The following PUF60 variants were observed in gnomAD, a reference collection of about 807,000 sequenced individuals.
PUF60 encodes poly(U) binding splicing factor 60, also known as poly(U)-binding-splicing factor PUF60.
In PUF60, 10 loss-of-function variants were observed where a neutral mutation model predicts 61.8. The ratio of observed to expected loss-of-function variants is 0.16; its 90% CI spans 0.10 to 0.27. PUF60 has a LOEUF of 0.27. Among genes scored for constraint, PUF60 ranks in the 10% least tolerant of loss-of-function variants. The pLI, the probability that PUF60 is intolerant of heterozygous loss-of-function variation, is 1.00. For synonymous variants in PUF60, 353 were observed against 300.9 expected (o/e 1.17, Z -1.79); for missense variants, 371 against 754.0 (o/e 0.49, Z 5.95).
chr8:143,826,531 A>G (rs571479966), intron 1 of PUF60, among the ~76,000 whole-genome samples: 19 of 152,332 alleles, frequency 1.2e-4, no homozygotes, highest in African/African-American at 4.3e-4. Flanking sequence ...CCTGGCCAAC[A>G]TGGTGAAACC....
chr8:143,821,492 A>G (rs1275334425), intron 4 of PUF60, 105 bp downstream of exon 4: 4 of 1,069,986 alleles, frequency 3.7e-6, no homozygotes, highest in African/African-American at 1.6e-5. Flanking sequence ...GGAGCACTGT[A>G]ACAGCTTGCG....
At chr8:143,824,521 A>G in intron 1 of PUF60, 122 bp from the exon 2 acceptor site, 1 of 988,400 alleles carries the variant, frequency 1.0e-6, no homozygotes. Flanking sequence ...GCAGGGAGGC[A>G]TTCCCGACAT....
At chr8:143,823,839 G>C (rs1371919442) in intron 2 of PUF60, among the ~76,000 whole-genome samples, 2 of 152,252 alleles carry the variant, frequency 1.3e-5, no homozygotes, top group African/African-American at 4.8e-5. Flanking sequence ...GATGGGGAGG[G>C]CTGAGTCCCA....
intron 2 of PUF60, among the ~76,000 whole-genome samples, chr8:143,823,876 T>C (rs1194860877): frequency 6.6e-6 from 1 of 152,270 alleles, no homozygotes; most frequent in Non-Finnish European, 1.5e-5. Flanking sequence ...GACTTGCGCA[T>C]TGCTTCACTG....
chr8:143,818,487 G>A lies in PUF60; in HGVS notation c.396C>T (p.Tyr132=), dbSNP rs780699513. Residue 132 remains tyrosine (Y), a synonymous_variant, in exon 6 of 12, where the codon TAC becomes TAT. Coordinates refer to ENST00000526683, the MANE Select transcript of PUF60 (RefSeq NM_078480.3). The surrounding 1 kb of genome is among the most constrained non-coding windows in gnomAD (Gnocchi z 7.9). ...CCAGCTCATAGTAGATAGAGCCCAC[G>A]TAGACGCGGCACATGATGGCCAGCG... The part of the protein sequence containing the change: ...QRALAIMCRV[Y]VGSIYYELGE... The A allele has an allele frequency of 1.2e-5, 20 of 1,608,512 alleles. No individual in the cohort carries two copies. Among genetic ancestry groups the A allele is most frequent in the South Asian group, 5.5e-5 (5 of 90,312 alleles).
rs757026424 is a variant in PUF60, at chr8:143,824,298, G to C, written c.111+15C>G. On this transcript the variant is annotated intron_variant, in intron 2 of 11. Coordinates refer to ENST00000526683, the MANE Select transcript of PUF60 (RefSeq NM_078480.3). ...GGCGGGCGGGCCTGAGGGAGAGGAT[G>C]CTTAAGGTCAGTACCTGTGGAGGTT... 30 of 1,598,426 alleles carry C rather than the reference G, an allele frequency of 1.9e-5. No individual in the cohort carries two copies. Among genetic ancestry groups the C allele is most frequent in the Non-Finnish European group, 5.1e-6 (6 of 1,174,350 alleles).
intron 1 of PUF60, 71 bp from the exon 2 acceptor site, chr8:143,824,470 G>T: frequency 6.6e-7 from 1 of 1,505,434 alleles, no homozygotes; most frequent in Non-Finnish European, 9.1e-7. Context: ...CTCCTCCCGA[G>T]CTAAGGGCTG....
chr8:143,829,141 C>G (rs1273953023), intron 1 of PUF60, 139 bp downstream of exon 1: 23 of 1,201,732 alleles, frequency 1.9e-5, no homozygotes, highest in Non-Finnish European at 2.3e-5. Flanking sequence ...CCGCCTCACG[C>G]GACCCGGGGA....
chr8:143,817,235 G>T lies in PUF60; in HGVS notation c.1145-90C>A. On this transcript the variant is annotated intron_variant, in intron 10 of 11. Coordinates refer to ENST00000526683, the MANE Select transcript of PUF60 (RefSeq NM_078480.3). The surrounding 1 kb of genome is among the most constrained non-coding windows in gnomAD (Gnocchi z 7.4). Reference sequence around the variant, plus strand: ...AGCTGGCCTGCCCTGGGCTCAGAGGGTTGTGCCCAGACCACCAGGGCCAGG... The same window carrying T: ...AGCTGGCCTGCCCTGGGCTCAGAGGTTTGTGCCCAGACCACCAGGGCCAGG... The T allele has an allele frequency of 2.6e-6, 4 of 1,520,638 alleles. No homozygotes were observed. The highest frequency in any genetic ancestry group is 2.2e-5 in the Admixed American group (1 of 45,694). 94.2% of individuals were successfully genotyped at this position (1,520,638 alleles called of 1,614,324 possible). A position where few individuals can be genotyped will look rare whatever the true frequency, so the allele number is the denominator to read the frequency against.
At position 143,820,658 on chromosome 8, in the gene PUF60, C is replaced by T. The variant is rs376420257; in HGVS notation, c.348+8G>A. 3 of 1,611,392 alleles carry T rather than the reference C, an allele frequency of 1.9e-6. No individual in the cohort carries two copies. Among genetic ancestry groups the T allele is most frequent in the African/African-American group, 1.3e-5 (1 of 74,872 alleles). ...TGAGCCCCGGAAGAAGTGAGCATTT[C>T]TATTGACCGATTGCAAAGGTGAGAG... is the stretch of plus-strand genomic sequence containing the variant. On this transcript the variant is annotated splice_region_variant and intron_variant, in intron 5 of 11. Transcript: ENST00000526683.
intron 1 of PUF60, 45 bp downstream of exon 1, chr8:143,829,235 C>G: frequency 1.6e-6 from 2 of 1,241,394 alleles, no homozygotes; most frequent in Non-Finnish European, 2.0e-6. Context: ...ACGACCCGGC[C>G]CCGCAAGCCG....
rs1457908262 is a variant in PUF60, at chr8:143,822,917, G to A, written c.112-1004C>T. On this transcript the variant is annotated intron_variant, in intron 2 of 11. Coordinates refer to ENST00000526683, the MANE Select transcript of PUF60 (RefSeq NM_078480.3). ...CAGCCTTGAGGGACAGCAGAGAAGAGAGAAGGGTCCCCAGCACAGAAGTGA... is the reference window on the plus strand; with the variant it reads ...CAGCCTTGAGGGACAGCAGAGAAGAAAGAAGGGTCCCCAGCACAGAAGTGA... 1.1e-5 allele frequency: 3 copies of A among 278,688 alleles called. No homozygotes were observed. The East Asian group carries it at 2.9e-4, about 27-fold the overall frequency. 17.3% of individuals were successfully genotyped at this position (278,688 alleles called of 1,614,324 possible). A position where few individuals can be genotyped will look rare whatever the true frequency, so the allele number is the denominator to read the frequency against.
Position 143,820,654 on chromosome 8 carries a change from A to C in PUF60, c.348+12T>G. 1 of 1,610,778 alleles carries C rather than the reference A, an allele frequency of 6.2e-7. No homozygotes were observed. On this transcript the variant is annotated intron_variant, in intron 5 of 11. Coordinates refer to ENST00000526683, the MANE Select transcript of PUF60 (RefSeq NM_078480.3). ...GACATGAGCCCCGGAAGAAGTGAGC[A>C]TTTCTATTGACCGATTGCAAAGGTG...
chr8:143,817,163 A>C lies in PUF60; in HGVS notation c.1145-18T>G, dbSNP rs139820103. 1,116 of 1,572,772 alleles carry C rather than the reference A, an allele frequency of 7.1e-4. 1 individual carries two copies. The highest frequency in any genetic ancestry group is 4.6e-3 in the Middle Eastern group (27 of 5,904). The stretch of plus-strand genomic sequence containing the variant: ...GGTCACACCTGCAGGAAAACCAACC[A>C]GGTCCATCAGTCACTCCCTACCACC... On this transcript the variant is annotated intron_variant, in intron 10 of 11. Transcript: ENST00000526683. This position sits in a 1 kb window ranked among gnomAD's most constrained non-coding sequence, Gnocchi z 7.4.
chr8:143,828,617 C>T (rs1817921896), intron 1 of PUF60, among the ~76,000 whole-genome samples: 1 of 152,206 alleles, frequency 6.6e-6, no homozygotes. Flanking sequence ...GCTTCTGGTG[C>T]GCACTAGACC....
rs1026638218 is a variant in PUF60 at position 143,820,571 on chromosome 8, C to T, written c.348+95G>A. 2.6e-5 allele frequency: 36 copies of T among 1,377,070 alleles called. No homozygotes were observed. In the African/African-American group the frequency reaches 2.7e-4, roughly 10 times the overall value. 85.3% of individuals were successfully genotyped at this position (1,377,070 alleles called of 1,614,324 possible). A position where few individuals can be genotyped will look rare whatever the true frequency, so the allele number is the denominator to read the frequency against. On this transcript the variant is annotated intron_variant, in intron 5 of 11. Coordinates refer to ENST00000526683, the MANE Select transcript of PUF60 (RefSeq NM_078480.3). ...TCCAGAGCTGGCGGGCAGGGCCGGCCAGGGGAGCAAGGTCCCCAGCACGTG... is the reference window on the plus strand; with the variant it reads ...TCCAGAGCTGGCGGGCAGGGCCGGCTAGGGGAGCAAGGTCCCCAGCACGTG...
intron 1 of PUF60, 77 bp from the exon 2 acceptor site, chr8:143,824,476 G>T: frequency 6.8e-7 from 1 of 1,473,388 alleles, no homozygotes; most frequent in Non-Finnish European, 9.3e-7. Flanking sequence ...CCGAGCTAAG[G>T]GCTGAGCTCC....
At chr8:143,823,904 C>T (rs1322849098) in intron 2 of PUF60, among the ~76,000 whole-genome samples, 3 of 152,288 alleles carry the variant, frequency 2.0e-5, no homozygotes, top group South Asian at 2.1e-4. Flanking sequence ...TAAATGAAAA[C>T]ACAGAGGTCT....
Position 143,816,495 on chromosome 8 carries a change from G to GC in PUF60, c.*24dup, listed in dbSNP as rs1170957645. ...AACCCAGAGGAAACAAGGAACAAGT[G>GC]CAAGTCCGGGGAGAGGGACCACTGT... On this transcript the variant is annotated 3_prime_UTR_variant, in exon 12 of 12. Coordinates refer to ENST00000526683, the MANE Select transcript of PUF60 (RefSeq NM_078480.3). 4 of 1,586,048 alleles carry GC rather than the reference G, an allele frequency of 2.5e-6. No individual in the cohort carries two copies. Among genetic ancestry groups the GC allele is most frequent in the Non-Finnish European group, 3.4e-6 (4 of 1,166,448 alleles).
Sources: gnomAD v4.1 joint callset for allele counts (sites outside exome capture counted in the v4.1 genomes callset) on GRCh38, gnomAD v4.1.1 for gene constraint, Gnocchi (gnomAD v3.1) non-coding constraint, MANE v1.5 for transcripts, NCBI Gene and HGNC (gene_info 2026-07-23, HGNC 2026-07-21) for gene names.